The following GLIS3 variants were observed in gnomAD, a reference collection of about 807,000 sequenced individuals.
The protein encoded by GLIS3 is zinc finger protein GLIS3.
GLIS3 carries 53 observed loss-of-function variants against 78.6 expected under a neutral mutation model. The ratio of observed to expected loss-of-function variants is 0.67; its 90% confidence interval spans 0.54 to 0.85. The LOEUF is 0.85. Among genes scored for constraint, GLIS3 ranks in the 40% least tolerant of loss-of-function variants. The pLI, the probability that GLIS3 is intolerant of heterozygous loss-of-function variation, is 0.00. For missense variants in GLIS3, 1,703 were observed against 1,231.1 expected (o/e 1.38, Z -5.74); for synonymous variants, 684 against 509.9 (o/e 1.34, Z -4.60).
chr9:3,908,001 A>G (rs2130663422), intron 6 of GLIS3, among the ~76,000 whole-genome samples: 1 of 152,334 alleles, frequency 6.6e-6, no homozygotes, highest in Middle Eastern at 3.4e-3. Flanking sequence ...CAGCAGGAGT[A>G]TGGAAAGTAG....
intron 1 of GLIS3, among the ~76,000 whole-genome samples, chr9:4,291,087 G>C (rs964763537): frequency 6.6e-6 from 1 of 152,118 alleles, no homozygotes; most frequent in African/African-American, 2.4e-5. Flanking sequence ...AAGTTAGGGA[G>C]GTTACACCTA....
At chr9:4,113,962 C>A (rs1426693820) in intron 4 of GLIS3, among the ~76,000 whole-genome samples, 2 of 152,116 alleles carry the variant, frequency 1.3e-5, no homozygotes, top group Non-Finnish European at 2.9e-5. Flanking sequence ...TTGAACAATT[C>A]CTTTTTGCCA....
intron 2 of GLIS3, among the ~76,000 whole-genome samples, chr9:4,274,938 G>A (rs891967335): frequency 6.6e-6 from 1 of 152,178 alleles, no homozygotes; most frequent in Non-Finnish European, 1.5e-5. Flanking sequence ...ATTTTGTAAT[G>A]TGTTTATTAT....
the GLIS3 span, among the ~76,000 whole-genome samples, chr9:4,374,765 G>A: frequency 2.6e-5 from 4 of 152,240 alleles, no homozygotes; most frequent in African/African-American, 9.6e-5. Flanking sequence ...AGACTCAAAC[G>A]TCCAAGAAAG....
intron 7 of GLIS3, among the ~76,000 whole-genome samples, chr9:3,884,767 C>T (rs1335005805): frequency 6.6e-6 from 1 of 152,154 alleles, no homozygotes; most frequent in Admixed American, 6.5e-5. Flanking sequence ...ACGTGGCAGG[C>T]AAATAGCGGG....
In GLIS3 at chr9:4,231,973, T is replaced by C. The variant is rs567113673; in HGVS notation, c.388+54065A>G. Among the ~76,000 whole-genome samples, 78 of 152,344 alleles carry C rather than the reference T, an allele frequency of 5.1e-4. 1 individual carries two copies. The South Asian group carries it at 0.016, about 31-fold the overall frequency. On this transcript the variant is annotated intron_variant, in intron 2 of 10. Transcript: ENST00000381971. ...AGGCAATTTGCCCAACCAATACTTT[T>C]TTTGGGTAACCAGAAAGCAAGAAAA...
At chr9:4,023,271 C>T (rs1042759004) in intron 4 of GLIS3, among the ~76,000 whole-genome samples, 7 of 152,160 alleles carry the variant, frequency 4.6e-5, no homozygotes, top group African/African-American at 1.2e-4. Context: ...AACAAATTTT[C>T]CTTTTTAGTT....
intron 2 of GLIS3, among the ~76,000 whole-genome samples, chr9:4,148,572 G>C (rs574760541): frequency 6.6e-6 from 1 of 151,754 alleles, no homozygotes; most frequent in Non-Finnish European, 1.5e-5. Context: ...CCCCTAAACT[G>C]GCAGGCCCAT....
the GLIS3 span, among the ~76,000 whole-genome samples, chr9:4,395,865 C>T: frequency 4.0e-5 from 6 of 151,518 alleles, 1 homozygote; most frequent in South Asian, 1.0e-3. Flanking sequence ...CCTTCGACTC[C>T]CTAGTTCAAG....
intron 2 of GLIS3, among the ~76,000 whole-genome samples, chr9:4,265,065 G>A (rs1825861570): frequency 1.3e-5 from 2 of 151,510 alleles, no homozygotes; most frequent in African/African-American, 2.4e-5. Context: ...CCAGCTACTC[G>A]GGAGGCTGAG....
chr9:4,484,912 G>A, the GLIS3 span, among the ~76,000 whole-genome samples: 3 of 151,532 alleles, frequency 2.0e-5, no homozygotes, highest in African/African-American at 4.9e-5. Flanking sequence ...ACCAACCATC[G>A]GTCCAGAGGA....
intron 4 of GLIS3, among the ~76,000 whole-genome samples, chr9:4,047,128 C>G (rs1320607193): frequency 6.6e-6 from 1 of 152,090 alleles, no homozygotes; most frequent in Non-Finnish European, 1.5e-5. Flanking sequence ...GGGGCTGTTT[C>G]CCCCATGCTG....
chr9:4,134,855 C>T (rs1586768983), intron 2 of GLIS3, among the ~76,000 whole-genome samples: 1 of 152,122 alleles, frequency 6.6e-6, no homozygotes, highest in African/African-American at 2.4e-5. Context: ...ACTAAGCTTA[C>T]CATGGAAAGA....
intron 4 of GLIS3, among the ~76,000 whole-genome samples, chr9:4,059,173 G>A (rs949459873): frequency 5.3e-5 from 8 of 152,148 alleles, no homozygotes; most frequent in South Asian, 2.1e-4. Flanking sequence ...TTGACCTTTT[G>A]GCAAGTCTTG....
At chr9:3,867,301 G>A (rs1820650453) in intron 8 of GLIS3, among the ~76,000 whole-genome samples, 1 of 152,164 alleles carries the variant, frequency 6.6e-6, no homozygotes, top group Non-Finnish European at 1.5e-5. Context: ...CACTAGACTG[G>A]TAAAAAGAAA....
At chr9:4,352,622 T>A (rs182216641), upstream of GLIS3, among the ~76,000 whole-genome samples, 73 of 152,354 alleles carry the variant, frequency 4.8e-4, 1 homozygote, top group African/African-American at 1.6e-3. Flanking sequence ...CCTTTGGCCA[T>A]CACCAGCTTT....
Position 3,826,057 on chromosome 9 carries a change from T to C in GLIS3, c.*2215A>G, listed in dbSNP as rs929162757. The C allele has an allele frequency of 3.3e-5, 5 of 152,184 alleles. No individual in the cohort carries two copies. Among genetic ancestry groups the C allele is most frequent in the African/African-American group, 1.2e-4 (5 of 41,444 alleles). 9.4% of individuals were successfully genotyped at this position (152,184 alleles called of 1,614,324 possible). On this transcript the variant is annotated 3_prime_UTR_variant, in exon 11 of 11. Transcript: ENST00000381971. ...CTCTCAAAGAGGGAGGTGATGTCCA[T>C]GGTTTCTAAAGTTGAGCTTCTGTCT...
At chr9:3,975,524 G>C (rs1470294761) in intron 4 of GLIS3, among the ~76,000 whole-genome samples, 2 of 151,734 alleles carry the variant, frequency 1.3e-5, no homozygotes, top group Admixed American at 6.6e-5. Flanking sequence ...GCTGACCTCT[G>C]GATAGGGTAC....
intron 3 of GLIS3, among the ~76,000 whole-genome samples, chr9:4,119,982 C>T (rs559125710): frequency 6.6e-6 from 1 of 152,346 alleles, no homozygotes; most frequent in Non-Finnish European, 1.5e-5. Flanking sequence ...TATTTCTTGA[C>T]TCAGACATGG....
Sources: allele counts gnomAD v4.1 joint callset (sites outside exome capture counted in the v4.1 genomes callset), GRCh38; gene constraint gnomAD v4.1.1; transcripts MANE v1.5; gene names NCBI Gene and HGNC (gene_info 2026-07-23, HGNC 2026-07-21).